ADGRV1: variants seen among roughly 807,000 people sequenced by gnomAD.
ADGRV1 encodes the protein adhesion G protein-coupled receptor V1, also known as G-protein coupled receptor 98.
A neutral mutation model predicts 596.2 loss-of-function variants in ADGRV1; 359 were observed. The ratio of observed to expected loss-of-function variants is 0.60; its 90% CI spans 0.55 to 0.66. The LOEUF is 0.66. ADGRV1 is among the 30% of genes least tolerant of loss of function. ADGRV1 has a pLI of 0.00. For synonymous variants in ADGRV1, 2,681 were observed against 2,679.2 expected (o/e 1.00, Z -0.02); for missense variants, 7,274 against 7,575.6 (o/e 0.96, Z 1.48).
chr5:91,030,893 T>G (rs1017540852), intron 85 of ADGRV1: 1 of 526,080 alleles, frequency 1.9e-6, no homozygotes, highest in African/African-American at 2.0e-5. Flanking sequence ...CACCACAATT[T>G]CCTGAGATCT....
chr5:90,658,373 C>T lies in ADGRV1; in HGVS notation c.4752+95C>T, dbSNP rs193035650. 33 of 1,141,654 alleles carry T rather than the reference C, an allele frequency of 2.9e-5. No homozygotes were observed. In the East Asian group the frequency reaches 6.2e-4, roughly 21 times the overall value. The allele number at this position is 1,141,654 out of a possible 1,614,324, so 70.7% of individuals were successfully genotyped here. On this transcript the variant is annotated intron_variant, in intron 21 of 89. Coordinates refer to ENST00000405460, the MANE Select transcript of ADGRV1 (RefSeq NM_032119.4). ...TTCTTTCATTTGGTAAGATTGGTTG[C>T]GCATCTACTCCAAGTCCAGAAGTAT...
At position 90,628,603 on chromosome 5, in the gene ADGRV1, G is replaced by C; in HGVS notation, c.1280G>C (p.Gly427Ala). 6.2e-7 allele frequency: 1 copy of C among 1,613,852 alleles called. No individual in the cohort carries two copies. The highest frequency in any genetic ancestry group is 8.5e-7 in the Non-Finnish European group (1 of 1,179,750). The change falls in exon 8 of 90, where the codon GGG becomes GCG. Residue 427 changes from glycine (G) to alanine (A), a missense_variant. This residue lies in a region of ADGRV1 where 1,715 missense variants were observed against 1,708.8 expected (regional missense o/e 1.00). Transcript: ENST00000405460. ...ITVVRNGGTH[G>A]NVSANWVLTR... ...GTGGTTAGAAATGGAGGAACCCATG[G>C]GAATGTCTCTGCGAATTGGGTGTTG...
chr5:90,922,768 G>C (rs537516636), intron 83 of ADGRV1, among the ~76,000 whole-genome samples: 9 of 152,294 alleles, frequency 5.9e-5, no homozygotes, highest in Non-Finnish European at 1.3e-4. Flanking sequence ...TACTGAATTA[G>C]CATCTGCATT....
At chr5:91,076,833 T>C (rs956596449) in intron 86 of ADGRV1, among the ~76,000 whole-genome samples, 1 of 152,120 alleles carries the variant, frequency 6.6e-6, no homozygotes, top group Non-Finnish European at 1.5e-5. Flanking sequence ...ATTCAAAATT[T>C]CTTTTTTTTT....
At chr5:90,594,597 A>C (rs892972642) in intron 1 of ADGRV1, among the ~76,000 whole-genome samples, 4 of 145,148 alleles carry the variant, frequency 2.8e-5, no homozygotes, top group Admixed American at 6.7e-5. Context: ...AAGTGAACAA[A>C]GGTCTCTGGT....
intron 9 of ADGRV1, among the ~76,000 whole-genome samples, chr5:90,631,581 C>A: frequency 6.6e-6 from 1 of 152,218 alleles, no homozygotes; most frequent in East Asian, 1.9e-4. Context: ...CTCCTCCAAG[C>A]GGGAAAATTT....
At position 90,735,237 on chromosome 5, in the gene ADGRV1, A is replaced by G. The variant is rs192446916; in HGVS notation, c.10549+5473A>G. Among the ~76,000 whole-genome samples the G allele has an allele frequency of 1.5e-3, 230 of 152,336 alleles. 4 individuals are homozygous for G. The highest frequency in any genetic ancestry group is 0.012 in the Admixed American group (183 of 15,304). On this transcript the variant is annotated intron_variant, in intron 50 of 89. Coordinates refer to ENST00000405460, the MANE Select transcript of ADGRV1 (RefSeq NM_032119.4). Reference sequence around the variant, plus strand: ...TAATTTCATTCTTCCACATGTGGATATCCAATTTTCTCAACACCATTTATT... The same window carrying G: ...TAATTTCATTCTTCCACATGTGGATGTCCAATTTTCTCAACACCATTTATT...
intron 67 of ADGRV1, among the ~76,000 whole-genome samples, chr5:90,785,919 A>G (rs1008152998): frequency 5.3e-5 from 8 of 152,244 alleles, no homozygotes. Context: ...CCAAAGGATT[A>G]TAAATCATGC....
At chr5:91,076,297 C>G (rs1023438896) in intron 86 of ADGRV1, among the ~76,000 whole-genome samples, 1 of 152,058 alleles carries the variant, frequency 6.6e-6, no homozygotes, top group African/African-American at 2.4e-5. Context: ...CTTCTTTATG[C>G]CTTTAAAGTA....
At chr5:90,931,336 G>T (rs1364309395) in intron 83 of ADGRV1, 1 of 152,198 alleles carries the variant, frequency 6.6e-6, no homozygotes, top group East Asian at 1.9e-4. Context: ...GGGCAAAGGG[G>T]TGATGTGGAA....
chr5:90,928,148 C>A (rs1394986324), intron 83 of ADGRV1, among the ~76,000 whole-genome samples: 1 of 152,196 alleles, frequency 6.6e-6, no homozygotes, highest in African/African-American at 2.4e-5. Flanking sequence ...TTGTGGCATT[C>A]TCTGTATTTC....
At chr5:91,086,241 A>T (rs1789863858) in intron 86 of ADGRV1, among the ~76,000 whole-genome samples, 1 of 152,118 alleles carries the variant, frequency 6.6e-6, no homozygotes, top group Non-Finnish European at 1.5e-5. Flanking sequence ...CTTGAGCCTA[A>T]CTTCTCTCTC....
chr5:90,779,266 G>T, intron 64 of ADGRV1, 169 bp downstream of exon 64: 1 of 429,568 alleles, frequency 2.3e-6, no homozygotes, highest in East Asian at 3.4e-5. Context: ...GACAATGACT[G>T]AGTTTTTTTT....
At chr5:90,566,992 C>T (rs987868590) in intron 1 of ADGRV1, among the ~76,000 whole-genome samples, 1 of 151,956 alleles carries the variant, frequency 6.6e-6, no homozygotes, top group Admixed American at 6.5e-5. Context: ...CCCTTTATTC[C>T]TAATTTGTAT....
At chr5:90,966,597 G>A (rs1778495892) in intron 84 of ADGRV1, among the ~76,000 whole-genome samples, 1 of 151,680 alleles carries the variant, frequency 6.6e-6, no homozygotes, top group African/African-American at 2.4e-5. Context: ...GCTTAGAGTT[G>A]GAAAATGGAG....
At chr5:90,870,395 A>G (rs1370613590) in intron 83 of ADGRV1, among the ~76,000 whole-genome samples, 2 of 152,170 alleles carry the variant, frequency 1.3e-5, no homozygotes, top group African/African-American at 4.8e-5. Context: ...TTGAAGCCAG[A>G]TGTGTCTGGC....
chr5:90,674,026 T>A, intron 22 of ADGRV1, 28 bp from the exon 23 acceptor site: 1 of 1,542,898 alleles, frequency 6.5e-7, no homozygotes, highest in Non-Finnish European at 8.9e-7. Context: ...CCTCATTGCT[T>A]AGTGCCTCTG....
chr5:91,147,374 G>T (rs936088786), intron 87 of ADGRV1, among the ~76,000 whole-genome samples: 1 of 152,108 alleles, frequency 6.6e-6, no homozygotes, highest in Admixed American at 6.5e-5. Flanking sequence ...CATTGGTATG[G>T]TTTGGTTCTA....
chr5:91,061,288 C>T (rs1431353139), intron 85 of ADGRV1, among the ~76,000 whole-genome samples: 2 of 152,220 alleles, frequency 1.3e-5, no homozygotes, highest in Non-Finnish European at 2.9e-5. Flanking sequence ...TCACTGGAAC[C>T]TACCTGGAAT....
Sources: gnomAD v4.1 joint callset for allele counts (sites outside exome capture counted in the v4.1 genomes callset) on GRCh38, gnomAD v4.1.1 for gene constraint, gnomAD v4.1.1 regional missense constraint, MANE v1.5 for transcripts, NCBI Gene and HGNC (gene_info 2026-07-23, HGNC 2026-07-21) for gene names.